Variants in TMEM244 observed in about 807,000 individuals in gnomAD.
The protein encoded by TMEM244 is putative transmembrane protein 244.
TMEM244 carries 13 observed loss-of-function variants against 15.8 expected under a neutral mutation model. The observed-to-expected ratio is 0.82, with a 90% CI of 0.53 to 1.30. The LOEUF (loss-of-function observed/expected upper bound fraction) is 1.30. Ranked by LOEUF, TMEM244 falls within the 50% of genes most tolerant of loss-of-function variation. The pLI, the probability that TMEM244 is intolerant of heterozygous loss-of-function variation, is 0.00. For missense variants in TMEM244, 161 were observed against 144.9 expected (o/e 1.11, Z -0.57); for synonymous variants, 45 against 48.7 (o/e 0.92, Z 0.32).
chr6:129,833,602 G>A lies in TMEM244; in HGVS notation c.194-17C>T, dbSNP rs1776361499. On this transcript the variant is annotated splice_polypyrimidine_tract_variant and intron_variant, in intron 3 of 4. Coordinates refer to ENST00000368143, the MANE Select transcript of TMEM244 (RefSeq NM_001010876.2). ...CTAAAAGAACTGCAAATACAAGGAA[G>A]AATATAATTATTGAGGACTAGAGCA... 1.2e-5 allele frequency: 19 copies of A among 1,607,648 alleles called. No individual in the cohort carries two copies. Among genetic ancestry groups the A allele is most frequent in the Non-Finnish European group, 1.5e-5 (18 of 1,177,360 alleles).
chr6:129,850,714 C>A (rs1280809032), intron 1 of TMEM244, among the ~76,000 whole-genome samples: 2 of 151,930 alleles, frequency 1.3e-5, no homozygotes, highest in African/African-American at 4.8e-5. Flanking sequence ...ACAATATATC[C>A]AACATATTAA....
chr6:129,842,157 T>C (rs1261317103), intron 3 of TMEM244, among the ~76,000 whole-genome samples: 2 of 152,180 alleles, frequency 1.3e-5, no homozygotes, highest in African/African-American at 2.4e-5. Context: ...CATAAGCCTG[T>C]GATATTGCCC....
chr6:129,847,370 A>G (rs529250136), intron 1 of TMEM244, among the ~76,000 whole-genome samples: 33 of 152,276 alleles, frequency 2.2e-4, no homozygotes, highest in Middle Eastern at 3.4e-3. Flanking sequence ...TATTAATTTT[A>G]CTTGAATGAC....
intron 3 of TMEM244, among the ~76,000 whole-genome samples, chr6:129,834,845 C>T (rs1337620819): frequency 2.0e-5 from 3 of 152,186 alleles, no homozygotes; most frequent in Non-Finnish European, 4.4e-5. Context: ...TCCTCCCTCC[C>T]CTACTGGTTT....
intron 3 of TMEM244, among the ~76,000 whole-genome samples, chr6:129,839,079 G>A (rs1776449836): frequency 6.6e-6 from 1 of 152,186 alleles, no homozygotes; most frequent in Non-Finnish European, 1.5e-5. Context: ...CTCATTTCAT[G>A]AGGCTAGCAT....
intron 3 of TMEM244, 108 bp downstream of exon 3, chr6:129,843,422 G>T: frequency 1.6e-6 from 1 of 644,038 alleles, no homozygotes. Context: ...AAAATACATA[G>T]ATGACTGCGA....
intron 3 of TMEM244, among the ~76,000 whole-genome samples, chr6:129,839,903 C>T (rs1339688878): frequency 1.3e-5 from 2 of 152,164 alleles, no homozygotes; most frequent in Non-Finnish European, 2.9e-5. Context: ...AGGAGAACTA[C>T]AAACCACTGC....
Position 129,833,330 on chromosome 6 carries a change from C to A in TMEM244, c.319+130G>T, listed in dbSNP as rs1423316179. The A allele has an allele frequency of 4.8e-6, 5 of 1,037,402 alleles. No homozygotes were observed. The African/African-American group carries it at 5.0e-5, about 10-fold the overall frequency. 64.3% of individuals were successfully genotyped at this position (1,037,402 alleles called of 1,614,324 possible). Reference sequence around the variant, plus strand: ...GCTGGAAAGAGGGATGAAGACCTTTCATCTTCAGTTTTTATCATCTAGCTA... The same window carrying A: ...GCTGGAAAGAGGGATGAAGACCTTTAATCTTCAGTTTTTATCATCTAGCTA... On this transcript the variant is annotated intron_variant, in intron 4 of 4. Transcript: ENST00000368143.
rs201876546 is a variant in TMEM244, at chr6:129,853,519, T to C, written c.33+7637A>G. 5.9e-5 allele frequency among the ~76,000 whole-genome samples: 9 copies of C among 152,248 alleles called. No homozygotes were observed. In the East Asian group the frequency reaches 1.5e-3, roughly 26 times the overall value. ...AAATAAATGTGCACCAGTCTGCAAA[T>C]TGTGCACATTTATGATGTAATGAAT... On this transcript the variant is annotated intron_variant, in intron 1 of 4. Coordinates refer to ENST00000368143, the MANE Select transcript of TMEM244 (RefSeq NM_001010876.2).
chr6:129,833,691 G>T, intron 3 of TMEM244, 106 bp from the exon 4 acceptor site: 1 of 1,206,512 alleles, frequency 8.3e-7, no homozygotes, highest in Non-Finnish European at 1.1e-6. Flanking sequence ...ATAAATTTTG[G>T]TAAGAATTTT....
chr6:129,834,394 C>A (rs1196235268), intron 3 of TMEM244, among the ~76,000 whole-genome samples: 1 of 152,134 alleles, frequency 6.6e-6, no homozygotes, highest in Non-Finnish European at 1.5e-5. Flanking sequence ...GTAAATGATA[C>A]CACTTTCCAT....
intron 3 of TMEM244, among the ~76,000 whole-genome samples, chr6:129,839,805 A>C (rs1776463002): frequency 6.6e-6 from 1 of 152,240 alleles, no homozygotes; most frequent in South Asian, 2.1e-4. Context: ...AGAGAGCCAA[A>C]ACATGAGTGA....
intron 4 of TMEM244, 46 bp from the exon 5 acceptor site, chr6:129,831,432 A>G (rs781589182): frequency 1.1e-5 from 14 of 1,331,884 alleles, no homozygotes; most frequent in Non-Finnish European, 1.4e-5. Flanking sequence ...GCGTTTTTAT[A>G]TTTTGCTCAA....
intron 1 of TMEM244, among the ~76,000 whole-genome samples, chr6:129,855,486 A>G (rs556310957): frequency 3.3e-5 from 5 of 152,316 alleles, no homozygotes; most frequent in African/African-American, 1.2e-4. Context: ...ACATTCTCCT[A>G]TAATTCAAAA....
chr6:129,848,474 A>G (rs976054663), intron 1 of TMEM244, among the ~76,000 whole-genome samples: 1 of 152,152 alleles, frequency 6.6e-6, no homozygotes, highest in Non-Finnish European at 1.5e-5. Flanking sequence ...GAAAAATTGG[A>G]GTTCTATTAG....
chr6:129,832,974 G>A (rs1266119485), intron 4 of TMEM244, among the ~76,000 whole-genome samples: 2 of 152,208 alleles, frequency 1.3e-5, no homozygotes, highest in African/African-American at 2.4e-5. Flanking sequence ...CCCAGTTGGT[G>A]ATAAGTTGAA....
intron 3 of TMEM244, among the ~76,000 whole-genome samples, chr6:129,840,451 T>A (rs4574665): frequency 1.3e-5 from 2 of 151,938 alleles, no homozygotes; most frequent in South Asian, 4.1e-4. Flanking sequence ...AAGACTTAAA[T>A]GTAAGACCTA....
chr6:129,833,596 A>G lies in TMEM244; in HGVS notation c.194-11T>C, dbSNP rs760321035. Reference sequence around the variant, plus strand: ...TTGAAACTAAAAGAACTGCAAATACAAGGAAGAATATAATTATTGAGGACT... The same window carrying G: ...TTGAAACTAAAAGAACTGCAAATACGAGGAAGAATATAATTATTGAGGACT... On this transcript the variant is annotated splice_polypyrimidine_tract_variant and intron_variant, in intron 3 of 4. Coordinates refer to ENST00000368143, the MANE Select transcript of TMEM244 (RefSeq NM_001010876.2). 5.0e-6 allele frequency: 8 copies of G among 1,609,294 alleles called. No homozygotes were observed. Among genetic ancestry groups the G allele is most frequent in the Non-Finnish European group, 5.9e-6 (7 of 1,178,226 alleles).
At chr6:129,840,467 A>G (rs1366640668) in intron 3 of TMEM244, among the ~76,000 whole-genome samples, 1 of 152,236 alleles carries the variant, frequency 6.6e-6, no homozygotes, top group East Asian at 1.9e-4. Flanking sequence ...ACCTAACACC[A>G]TAAAAACCCT....
Sources: gnomAD v4.1 joint callset for allele counts (sites outside exome capture counted in the v4.1 genomes callset) on GRCh38, gnomAD v4.1.1 for gene constraint, MANE v1.5 for transcripts, NCBI Gene and HGNC (gene_info 2026-07-23, HGNC 2026-07-21) for gene names.